Variants in SHANK2 observed in about 807,000 individuals in gnomAD.
SHANK2 encodes SH3 and multiple ankyrin repeat domains protein 2.
Under a neutral mutation model 133.7 loss-of-function variants are expected in SHANK2, and 43 were observed. The observed-to-expected ratio is 0.32, with a 90% CI of 0.25 to 0.41. SHANK2 has a LOEUF of 0.41. Ranked by LOEUF, SHANK2 falls within the 10% of genes least tolerant of loss-of-function variation. The pLI is 1.00. For missense variants in SHANK2, 1,994 were observed against 2,235.8 expected, an observed-to-expected ratio of 0.89 and a Z score of 2.18; for synonymous variants, 1,017 against 952.8, an observed-to-expected ratio of 1.07 and a Z score of -1.24.
Position 71,170,855 on chromosome 11 carries a change from G to A in SHANK2, c.-12-23517C>T, listed in dbSNP as rs548132280. Among the ~76,000 whole-genome samples, 11 of 152,342 alleles carry A rather than the reference G, an allele frequency of 7.2e-5. No individual in the cohort carries two copies. In the East Asian group the frequency reaches 1.5e-3, roughly 21 times the overall value. Reference sequence around the variant, plus strand: ...AAATCACGAGAGCTTTAGGAAATGCGATGGTCCTCGTCCTCCAGGGATTCC... The same window carrying A: ...AAATCACGAGAGCTTTAGGAAATGCAATGGTCCTCGTCCTCCAGGGATTCC... On this transcript the variant is annotated intron_variant, in intron 2 of 25. Coordinates refer to ENST00000601538, the MANE Select transcript of SHANK2 (RefSeq NM_012309.5).
At chr11:70,810,058 C>T (rs1227772679) in intron 12 of SHANK2, among the ~76,000 whole-genome samples, 1 of 152,200 alleles carries the variant, frequency 6.6e-6, no homozygotes, top group African/African-American at 2.4e-5. Flanking sequence ...TGTTCCCCAT[C>T]GATGGACATC....
chr11:70,731,509 A>T (rs901867263), intron 14 of SHANK2, among the ~76,000 whole-genome samples: 5 of 152,164 alleles, frequency 3.3e-5, no homozygotes, highest in Admixed American at 2.6e-4. Context: ...ACAGTACACA[A>T]TGTGTGGCCT....
At chr11:70,887,117 G>C (rs1240365243) in intron 11 of SHANK2, among the ~76,000 whole-genome samples, 2 of 152,138 alleles carry the variant, frequency 1.3e-5, no homozygotes, top group Non-Finnish European at 2.9e-5. Flanking sequence ...TGCTTAATGT[G>C]TGCACGACTG....
At chr11:70,559,829 CT>C (rs376968623) in intron 17 of SHANK2, among the ~76,000 whole-genome samples, 50 of 152,012 alleles carry the variant, frequency 3.3e-4, no homozygotes, top group African/African-American at 1.1e-3. Context: ...GCCCTTTCCT[CT>C]TCCTGCCCCA....
At chr11:70,649,083 C>T (rs1209471601) in intron 17 of SHANK2, among the ~76,000 whole-genome samples, 1 of 152,124 alleles carries the variant, frequency 6.6e-6, no homozygotes, top group Non-Finnish European at 1.5e-5. Flanking sequence ...CCAATGGCGA[C>T]GTTCATCTCC....
intron 17 of SHANK2, among the ~76,000 whole-genome samples, chr11:70,543,423 A>G (rs910646734): frequency 6.6e-6 from 1 of 152,150 alleles, no homozygotes; most frequent in Non-Finnish European, 1.5e-5. Flanking sequence ...GAGGAGAGAG[A>G]GAGGCTGAAG....
chr11:70,595,473 G>C (rs1364938141), intron 17 of SHANK2, among the ~76,000 whole-genome samples: 1 of 152,220 alleles, frequency 6.6e-6, no homozygotes, highest in East Asian at 1.9e-4. Context: ...GGCTCACCCA[G>C]CTTGGCTCAC....
At chr11:70,769,595 ACATGAAATGGCATGTG>A (rs1322540133) in intron 14 of SHANK2, among the ~76,000 whole-genome samples, 2 of 152,220 alleles carry the variant, frequency 1.3e-5, no homozygotes, top group African/African-American at 4.8e-5. Context: ...CTGCGAGAGC[ACATGAAATGGCATGTG>A]CGTGCATGCA....
chr11:70,771,906 G>T (rs1296079277), intron 14 of SHANK2, among the ~76,000 whole-genome samples: 6 of 152,178 alleles, frequency 3.9e-5, no homozygotes, highest in Admixed American at 2.6e-4. Flanking sequence ...TCGCTACTGG[G>T]CCTGGGGGTT....
intron 14 of SHANK2, among the ~76,000 whole-genome samples, chr11:70,761,315 G>A (rs1209251914): frequency 6.6e-6 from 1 of 152,138 alleles, no homozygotes; most frequent in Non-Finnish European, 1.5e-5. Flanking sequence ...CCACACGGGG[G>A]CATAGCGAGG....
In SHANK2 at chr11:70,840,291, A is replaced by G. The variant is rs577906470; in HGVS notation, c.1175-19609T>C. Among the ~76,000 whole-genome samples the G allele has an allele frequency of 1.2e-3, 188 of 152,330 alleles. 5 individuals carry two copies. In the South Asian group the frequency reaches 0.038, roughly 31 times the overall value. On this transcript the variant is annotated intron_variant, in intron 11 of 25. Transcript: ENST00000601538. ...CAGGTGAGAGCTCACCTGGCACACT[A>G]CAGAGCATGAGGCAGAGATGCCCAA...
At chr11:70,549,409 G>A (rs140995224) in intron 17 of SHANK2, among the ~76,000 whole-genome samples, 2 of 152,334 alleles carry the variant, frequency 1.3e-5, no homozygotes, top group African/African-American at 2.4e-5. Context: ...ATAAGCTCCC[G>A]ATGGCCGAGA....
rs1318896018 is a variant in SHANK2 at position 71,094,690 on chromosome 11, T to C, written c.593-2A>G. The C allele has an allele frequency of 1.3e-6, 2 of 1,551,366 alleles. No individual in the cohort carries two copies. The highest frequency in any genetic ancestry group is 1.7e-6 in the Non-Finnish European group (2 of 1,146,656). On this transcript the variant is annotated splice_acceptor_variant, in intron 6 of 25. Coordinates refer to ENST00000601538, the MANE Select transcript of SHANK2 (RefSeq NM_012309.5). LOFTEE classifies it high-confidence loss of function. ...GAGCGGCTAAGGTCAGGGGGGTCTC[T>C]GAGGAACCCAAACACACACACTTTA...
At chr11:70,553,092 A>C (rs966100959) in intron 17 of SHANK2, among the ~76,000 whole-genome samples, 1 of 151,842 alleles carries the variant, frequency 6.6e-6, no homozygotes, top group Non-Finnish European at 1.5e-5. Context: ...TGACTTTAAT[A>C]ATCTCCTTTA....
intron 13 of SHANK2, among the ~76,000 whole-genome samples, chr11:70,805,986 C>T (rs897864728): frequency 4.6e-5 from 7 of 152,314 alleles, no homozygotes; most frequent in South Asian, 4.1e-4. Flanking sequence ...GGCAAGAGGG[C>T]GGGGCTCTGC....
rs145654835 is a variant in SHANK2, at chr11:70,719,553, G to C, written c.1778-20790C>G. On this transcript the variant is annotated intron_variant, in intron 14 of 25. Coordinates refer to ENST00000601538, the MANE Select transcript of SHANK2 (RefSeq NM_012309.5). The stretch of plus-strand genomic sequence containing the variant: ...GGGTGCAGAACCCTGACCTACGTGG[G>C]ATCCTGGTTTCTGTGGCCCTTTCCT... Among the ~76,000 whole-genome samples, 600 of 152,198 alleles carry C rather than the reference G, an allele frequency of 3.9e-3. 2 individuals are homozygous for C. Among genetic ancestry groups the C allele is most frequent in the South Asian group, 0.019 (90 of 4,816 alleles).
At chr11:71,064,413 G>A (rs1013054932) in intron 9 of SHANK2, among the ~76,000 whole-genome samples, 3 of 152,310 alleles carry the variant, frequency 2.0e-5, no homozygotes, top group African/African-American at 4.8e-5. Context: ...GCAAGGGGCC[G>A]GGAGGCAGGA....
intron 14 of SHANK2, among the ~76,000 whole-genome samples, chr11:70,794,250 C>T (rs1391057497): frequency 2.1e-5 from 3 of 144,930 alleles, no homozygotes; most frequent in African/African-American, 7.6e-5. Flanking sequence ...CACTGCACTC[C>T]AGTCTGGGCA....
intron 10 of SHANK2, among the ~76,000 whole-genome samples, chr11:70,897,941 T>A (rs187987074): frequency 2.0e-5 from 3 of 149,188 alleles, no homozygotes; most frequent in Admixed American, 6.7e-5. Flanking sequence ...AATATACATA[T>A]ACACACACAC....
Sources: allele counts gnomAD v4.1 joint callset (sites outside exome capture counted in the v4.1 genomes callset), GRCh38; gene constraint gnomAD v4.1.1; transcripts MANE v1.5; gene names NCBI Gene and HGNC (gene_info 2026-07-23, HGNC 2026-07-21).